Variants in FBLN1 observed in about 807,000 individuals in gnomAD.
The protein encoded by FBLN1 is fibulin 1.
In FBLN1, 34 loss-of-function variants were observed where a neutral mutation model predicts 89.7. That is an observed-to-expected ratio of 0.38 (90% confidence interval 0.29 to 0.50). The LOEUF is 0.50. Ranked by LOEUF, FBLN1 falls within the 20% of genes least tolerant of loss-of-function variation. The probability of loss-of-function intolerance (pLI) is 0.92; values close to 1 mark genes in which losing one functional copy is unlikely to be tolerated. For missense variants in FBLN1, 777 were observed against 988.1 expected, an observed-to-expected ratio of 0.79 and a Z score of 2.86; for synonymous variants, 393 against 391.3, an observed-to-expected ratio of 1.00 and a Z score of -0.05.
Position 45,557,097 on chromosome 22 carries a change from C to T in FBLN1, c.1697+6482C>T, listed in dbSNP as rs2088797962. On this transcript the variant is annotated intron_variant, in intron 14 of 16. Transcript: ENST00000327858. The surrounding 1 kb of genome is among the most constrained non-coding windows in gnomAD (Gnocchi z 4.9). ...AAGGCCATTCCACTATCCTATCAATCTACCTGCTTCACGACGATGGGGAAC... is the reference window on the plus strand; with the variant it reads ...AAGGCCATTCCACTATCCTATCAATTTACCTGCTTCACGACGATGGGGAAC... Among the ~76,000 whole-genome samples, 1 of 152,210 alleles carries T rather than the reference C, an allele frequency of 6.6e-6. No homozygotes were observed. Among genetic ancestry groups the T allele is most frequent in the Admixed American group, 6.5e-5 (1 of 15,282 alleles).
At chr22:45,525,087 GAGAA>G (rs1285970913) in intron 2 of FBLN1, among the ~76,000 whole-genome samples, 2 of 146,676 alleles carry the variant, frequency 1.4e-5, no homozygotes, top group African/African-American at 5.2e-5. Context: ...GAAAGAAAGA[GAGAA>G]AGAGAGAAAG....
Position 45,581,412 on chromosome 22 carries a change from A to G in FBLN1, c.1972+4304A>G, listed in dbSNP as rs1471749755. Reference sequence around the variant, plus strand: ...AGCCTCCCCTGACTGCTCCAGGGTCATGGCTGTGTGATAGGAGGGCCTGGC... The same window carrying G: ...AGCCTCCCCTGACTGCTCCAGGGTCGTGGCTGTGTGATAGGAGGGCCTGGC... On this transcript the variant is annotated intron_variant, in intron 16 of 16. Coordinates refer to ENST00000327858, the MANE Select transcript of FBLN1 (RefSeq NM_006486.3). This position sits in a 1 kb window ranked among gnomAD's most constrained non-coding sequence, Gnocchi z 7.6. Among the ~76,000 whole-genome samples the G allele has an allele frequency of 1.3e-5, 2 of 151,954 alleles. No homozygotes were observed. The highest frequency in any genetic ancestry group is 4.8e-5 in the African/African-American group (2 of 41,372).
At chr22:45,534,765 C>T (rs1234780529) in intron 7 of FBLN1, among the ~76,000 whole-genome samples, 2 of 152,154 alleles carry the variant, frequency 1.3e-5, no homozygotes, top group East Asian at 3.8e-4. Flanking sequence ...GAAGGGCAGC[C>T]CATCACATCC....
chr22:45,529,988 C>A (rs2882551), intron 4 of FBLN1, among the ~76,000 whole-genome samples: 1 of 152,008 alleles, frequency 6.6e-6, no homozygotes, highest in South Asian at 2.1e-4. Flanking sequence ...TGACACGGAA[C>A]CTTTCACTTC....
chr22:45,584,692 G>A (rs1485518831), intron 16 of FBLN1, among the ~76,000 whole-genome samples: 1 of 151,080 alleles, frequency 6.6e-6, no homozygotes, highest in Non-Finnish European at 1.5e-5. Flanking sequence ...CTGGGAGGAA[G>A]AAGTTTGGAA....
rs993716081 is a variant in FBLN1 at position 45,575,197 on chromosome 22, T to G, written c.1840+544T>G. ...GTGGTCTTTTCTTATGGGTAACGGT[T>G]GTTCTGCAGAGAGCCATTAAGCGCT... On this transcript the variant is annotated intron_variant, in intron 15 of 16. Transcript: ENST00000327858. The surrounding 1 kb of genome is among the most constrained non-coding windows in gnomAD (Gnocchi z 6.3). 2.0e-5 allele frequency among the ~76,000 whole-genome samples: 3 copies of G among 152,158 alleles called. No homozygotes were observed. Among genetic ancestry groups the G allele is most frequent in the Non-Finnish European group, 4.4e-5 (3 of 68,012 alleles).
Position 45,582,661 on chromosome 22 carries a change from G to A in FBLN1, c.1972+5553G>A, listed in dbSNP as rs148524639. 5.1e-3 allele frequency among the ~76,000 whole-genome samples: 781 copies of A among 152,332 alleles called. 5 individuals are homozygous for A. The highest frequency in any genetic ancestry group is 0.018 in the African/African-American group (736 of 41,578). On this transcript the variant is annotated intron_variant, in intron 16 of 16. Coordinates refer to ENST00000327858, the MANE Select transcript of FBLN1 (RefSeq NM_006486.3). Reference sequence around the variant, plus strand: ...TTAGGGAGGATCTTTCTAGGCTGGGGCAGGAGCTTCACGGCTGGGAATGGG... The same window carrying A: ...TTAGGGAGGATCTTTCTAGGCTGGGACAGGAGCTTCACGGCTGGGAATGGG...
intron 1 of FBLN1, among the ~76,000 whole-genome samples, chr22:45,508,898 G>A (rs2088061399): frequency 6.6e-6 from 1 of 152,208 alleles, no homozygotes; most frequent in Non-Finnish European, 1.5e-5. Context: ...AATTATTTGT[G>A]CTAAGTGCTG....
chr22:45,518,127 CAAA>C (rs136717), intron 1 of FBLN1, among the ~76,000 whole-genome samples: 3 of 122,672 alleles, frequency 2.4e-5, no homozygotes, highest in Non-Finnish European at 3.3e-5. Context: ...GACTCTGTCT[CAAA>C]AAAAAAAAAA....
At chr22:45,567,224 G>T (rs531321145) in intron 14 of FBLN1, among the ~76,000 whole-genome samples, 1 of 152,222 alleles carries the variant, frequency 6.6e-6, no homozygotes, top group African/African-American at 2.4e-5. Flanking sequence ...CACAGAGCCC[G>T]CTCTGCCATT....
intron 16 of FBLN1, among the ~76,000 whole-genome samples, chr22:45,599,992 C>T (rs760113872): frequency 1.2e-4 from 18 of 152,232 alleles, no homozygotes; most frequent in Admixed American, 3.9e-4. Context: ...CAGAAGCTGG[C>T]ATTGATCCCA....
intron 3 of FBLN1, among the ~76,000 whole-genome samples, chr22:45,525,884 C>G (rs1027256761): frequency 6.6e-6 from 1 of 152,240 alleles, no homozygotes; most frequent in Admixed American, 6.5e-5. Context: ...CCGGAGGACA[C>G]CTGGGGCCGA....
At chr22:45,560,009 T>A (rs1424081568) in intron 14 of FBLN1, among the ~76,000 whole-genome samples, 1 of 152,232 alleles carries the variant, frequency 6.6e-6, no homozygotes, top group Non-Finnish European at 1.5e-5. Flanking sequence ...CCACTTGATC[T>A]AGAAGTTTTC....
At chr22:45,558,585 G>A (rs1023821137) in intron 14 of FBLN1, 5 of 158,170 alleles carry the variant, frequency 3.2e-5, no homozygotes, top group South Asian at 3.9e-4. Context: ...CAACAGCCTG[G>A]ACCTGTCATA....
intron 14 of FBLN1, among the ~76,000 whole-genome samples, chr22:45,566,670 G>A (rs772487127): frequency 6.6e-6 from 1 of 152,218 alleles, no homozygotes; most frequent in East Asian, 1.9e-4. Flanking sequence ...CACTCCATAG[G>A]TGTGAGTGTG....
At position 45,557,976 on chromosome 22, in the gene FBLN1, G is replaced by A. The variant is rs552999002; in HGVS notation, c.1697+7361G>A. On this transcript the variant is annotated intron_variant, in intron 14 of 16. Transcript: ENST00000327858. This position sits in a 1 kb window ranked among gnomAD's most constrained non-coding sequence, Gnocchi z 4.9. The stretch of plus-strand genomic sequence containing the variant: ...GTCCTTCAGGGATGTCCTAGAAAGG[G>A]GCAGTAGTGCTGCAGCTGTCCACTT... 56 of 703,076 alleles carry A rather than the reference G, an allele frequency of 8.0e-5. No homozygotes were observed. The African/African-American group carries it at 8.8e-4, about 11-fold the overall frequency. 43.6% of individuals were successfully genotyped at this position (703,076 alleles called of 1,614,324 possible). A position where few individuals can be genotyped will look rare whatever the true frequency, so the allele number is the denominator to read the frequency against.
intron 4 of FBLN1, 45 bp downstream of exon 4, chr22:45,528,054 C>T: frequency 6.3e-7 from 1 of 1,593,716 alleles, no homozygotes; most frequent in Non-Finnish European, 8.6e-7. Context: ...TATTAAGGTT[C>T]TCCGGGATGT....
chr22:45,574,849 T>C lies in FBLN1; in HGVS notation c.1840+196T>C, dbSNP rs1453778577. 2.0e-5 allele frequency among the ~76,000 whole-genome samples: 3 copies of C among 147,656 alleles called. No homozygotes were observed. Among genetic ancestry groups the C allele is most frequent in the East Asian group, 4.2e-4 (2 of 4,746 alleles). ...CGGGCTGGAGTGCAGTGGTGCCATC[T>C]CGGCTCACTGCAAGCTCCACCTCCC... On this transcript the variant is annotated intron_variant, in intron 15 of 16. Transcript: ENST00000327858. This position sits in a 1 kb window ranked among gnomAD's most constrained non-coding sequence, Gnocchi z 4.1.
Position 45,576,950 on chromosome 22 carries a change from G to C in FBLN1, c.1841-27G>C. 6.2e-7 allele frequency: 1 copy of C among 1,612,898 alleles called. No individual in the cohort carries two copies. Among genetic ancestry groups the C allele is most frequent in the Non-Finnish European group, 8.5e-7 (1 of 1,179,986 alleles). On this transcript the variant is annotated intron_variant, in intron 15 of 16. Transcript: ENST00000327858. This position sits in a 1 kb window ranked among gnomAD's most constrained non-coding sequence, Gnocchi z 5.2. ...TGGGGCTGGGGCCAGGCTGTGCTGA[G>C]CCCTTCTCCATTCTGTGCCTCTGCA...
Sources: allele counts gnomAD v4.1 joint callset (sites outside exome capture counted in the v4.1 genomes callset), GRCh38; gene constraint gnomAD v4.1.1; non-coding constraint Gnocchi (gnomAD v3.1); transcripts MANE v1.5; gene names NCBI Gene and HGNC (gene_info 2026-07-23, HGNC 2026-07-21).